BCOR: variants seen among roughly 807,000 people sequenced by gnomAD.
BCOR encodes the protein BCL6 corepressor.
BCOR carries 10 observed loss-of-function variants against 86.7 expected under a neutral mutation model. That is an observed-to-expected ratio of 0.12 (90% CI 0.07 to 0.20). The LOEUF (loss-of-function observed/expected upper bound fraction) is 0.20. BCOR is among the 10% of genes least tolerant of loss of function. The pLI, the probability that BCOR is intolerant of heterozygous loss-of-function variation, is 1.00. For synonymous variants in BCOR, 611 were observed against 609.0 expected, an observed-to-expected ratio of 1.00 and a Z score of -0.05; for missense variants, 1,259 against 1,452.1, an observed-to-expected ratio of 0.87 and a Z score of 2.16.
intron 1 of BCOR, among the ~76,000 whole-genome samples, chrX:40,133,913 T>G (rs890424217): frequency 9.0e-6 from 1 of 110,870 alleles, no homozygotes; most frequent in African/African-American, 3.3e-5. Flanking sequence ...CTCTAAGAAC[T>G]TACAACTGAA....
chrX:40,083,912 C>T (rs1274777879), intron 1 of BCOR, among the ~76,000 whole-genome samples: 3 of 112,109 alleles, frequency 2.7e-5, no homozygotes, highest in Non-Finnish European at 5.7e-5. Flanking sequence ...GGCCCCGCCG[C>T]ACCTTCTCTC....
In BCOR at chrX:40,052,295, C is replaced by T; in HGVS notation, c.5082G>A (p.Glu1694=). 1 of 1,212,074 alleles carries T rather than the reference C, an allele frequency of 8.3e-7. No homozygotes were observed. The highest frequency in any genetic ancestry group is 1.1e-6 in the Non-Finnish European group (1 of 895,535). The change falls in exon 15 of 15, where the codon GAG becomes GAA. Residue 1694 remains glutamate (E), a synonymous_variant. Transcript: ENST00000378444. ...FPNVEIVTIA[E]AEFYRQVSAS... is the part of the protein sequence containing the mutation. ...CAGAAACCTGCCGATAAAATTCTGC[C>T]TCTGCAATGGTGACAATTTCCACGT...
chrX:40,063,449 C>T (rs1251833987), intron 8 of BCOR, among the ~76,000 whole-genome samples, 159 bp downstream of exon 8: 3 of 112,067 alleles, frequency 2.7e-5, no homozygotes, highest in South Asian at 7.5e-4. Context: ...TGTGCAACCA[C>T]GGGCAAGGAC....
At chrX:40,168,772 T>C (rs993974567) in intron 1 of BCOR, among the ~76,000 whole-genome samples, 1 of 113,364 alleles carries the variant, frequency 8.8e-6, no homozygotes, top group Non-Finnish European at 1.9e-5. Context: ...TTACGGGGCC[T>C]ACGAAAGCAG....
chrX:40,171,740 T>A (rs1396285502), intron 1 of BCOR, among the ~76,000 whole-genome samples: 4 of 112,844 alleles, frequency 3.5e-5, no homozygotes, highest in Non-Finnish European at 7.5e-5. Flanking sequence ...TTTTTATTCT[T>A]CCAGCCCTGT....
intron 1 of BCOR, among the ~76,000 whole-genome samples, chrX:40,085,292 G>A (rs1299798182): frequency 2.7e-5 from 3 of 112,603 alleles, no homozygotes; most frequent in Non-Finnish European, 5.6e-5. Flanking sequence ...ACATGCACAA[G>A]TCTAATCCTG....
At chrX:40,062,487 G>A (rs1160582666) in intron 9 of BCOR, 94 bp from the exon 10 acceptor site, 1 of 1,072,172 alleles carries the variant, frequency 9.3e-7, no homozygotes, top group Non-Finnish European at 1.3e-6. Flanking sequence ...AACCTGCGTG[G>A]AGAGAGGCAC....
At chrX:40,107,930 G>C (rs1459612819) in intron 1 of BCOR, among the ~76,000 whole-genome samples, 1 of 113,657 alleles carries the variant, frequency 8.8e-6, no homozygotes. Context: ...TGTCTGTGTG[G>C]AGCCTTCGAT....
At chrX:40,159,985 A>G (rs999379869) in intron 1 of BCOR, among the ~76,000 whole-genome samples, 1 of 113,111 alleles carries the variant, frequency 8.8e-6, no homozygotes, top group East Asian at 2.8e-4. Context: ...ATGTGGTTAC[A>G]AAGTAAACAC....
upstream of BCOR, among the ~76,000 whole-genome samples, chrX:40,097,966 C>T (rs1936975791): frequency 9.0e-6 from 1 of 110,554 alleles, no homozygotes; most frequent in African/African-American, 3.3e-5. Context: ...TCTGCCGCCG[C>T]ACGCCGCGAT....
At chrX:40,157,005 A>G (rs1252296691) in intron 1 of BCOR, among the ~76,000 whole-genome samples, 1 of 113,418 alleles carries the variant, frequency 8.8e-6, no homozygotes, top group Non-Finnish European at 1.9e-5. Context: ...ACGCTAGGAG[A>G]GGAATTCGGT....
chrX:40,124,185 G>C (rs770477389), intron 1 of BCOR, among the ~76,000 whole-genome samples: 4 of 111,652 alleles, frequency 3.6e-5, no homozygotes, highest in Non-Finnish European at 7.5e-5. Flanking sequence ...TATAATCCCA[G>C]TGCTTTGGGA....
At chrX:40,169,901 G>C (rs1468776345) in intron 1 of BCOR, among the ~76,000 whole-genome samples, 1 of 111,967 alleles carries the variant, frequency 8.9e-6, no homozygotes, top group East Asian at 2.8e-4. Flanking sequence ...CCCAAGGCCA[G>C]GGAAGGGAGA....
intron 1 of BCOR, among the ~76,000 whole-genome samples, chrX:40,138,455 T>C (rs1003449853): frequency 2.7e-5 from 3 of 112,194 alleles, no homozygotes; most frequent in Non-Finnish European, 5.6e-5. Flanking sequence ...ATGACTTACA[T>C]GCAATCACCA....
At chrX:40,103,994 C>T (rs1463838547) in intron 1 of BCOR, among the ~76,000 whole-genome samples, 1 of 111,846 alleles carries the variant, frequency 8.9e-6, no homozygotes, top group Admixed American at 9.4e-5. Flanking sequence ...CCCACCTCCC[C>T]TCCACTGACA....
rs1238401017 is a variant in BCOR at position 40,073,390 on chromosome X, G to A, written c.1956C>T (p.Pro652=). 1 of 1,212,287 alleles carries A rather than the reference G, an allele frequency of 8.2e-7. No homozygotes were observed. The highest frequency in any genetic ancestry group is 3.0e-5 in the East Asian group (1 of 33,861). The change falls in exon 4 of 15, where the codon CCC becomes CCT. Residue 652 remains proline (P), a synonymous_variant. Coordinates refer to ENST00000378444, the MANE Select transcript of BCOR (RefSeq NM_001123385.2). The part of the protein sequence containing the change: ...PNEAFRSPPI[P]YPRSYLPYPA... ...GGTAAGGGAGGTAACTCCTGGGGTA[G>A]GGAATTGGTGGGGACCTGAATGCCT...
At position 40,073,499 on chromosome X, in the gene BCOR, C is replaced by A; in HGVS notation, c.1847G>T (p.Gly616Val). ...AKHSSSTSSKGAKASNPEPSF... is the reference protein window; with the variant it reads ...AKHSSSTSSKVAKASNPEPSF... ...CGGTTCTGGGTTGCTGGCTTTGGCG[C>A]CCTTGCTGCTGGTGCTGCTACTGTG... The change falls in exon 4 of 15, where the codon GGC (glycine) becomes GTC (valine). Residue 616 changes from glycine to valine, a missense_variant. Transcript: ENST00000378444. 1 of 1,212,406 alleles carries A rather than the reference C, an allele frequency of 8.2e-7. No individual in the cohort carries two copies. Among genetic ancestry groups the A allele is most frequent in the Non-Finnish European group, 1.1e-6 (1 of 895,695 alleles).
chrX:40,131,422 C>T (rs188952914), intron 1 of BCOR, among the ~76,000 whole-genome samples: 1 of 112,189 alleles, frequency 8.9e-6, no homozygotes, highest in African/African-American at 3.2e-5. Context: ...TTTGTAAGGC[C>T]GAGGCAGGCA....
rs1290277942 is a variant in BCOR at position 40,106,678 on chromosome X, CGT to C, written c.-40-28711_-40-28710del. On this transcript the variant is annotated intron_variant, in intron 1 of 14. Coordinates refer to the BCOR transcript ENST00000342274. ...GCAGCCGCTTCTCCGCGGCCCCGCG[CGT>C]CTCTTTCCCCTTTGTTTTCGGGGTC... is the stretch of plus-strand genomic sequence containing the variant. 8.8e-5 allele frequency among the ~76,000 whole-genome samples: 10 copies of C among 113,105 alleles called. No homozygotes were observed. The Admixed American group carries it at 9.3e-4, about 10-fold the overall frequency.
Sources: gnomAD v4.1 joint callset for allele counts (sites outside exome capture counted in the v4.1 genomes callset) on GRCh38, gnomAD v4.1.1 for gene constraint, MANE v1.5 for transcripts, NCBI Gene and HGNC (gene_info 2026-07-23, HGNC 2026-07-21) for gene names.